Variants in GANC observed in about 807,000 individuals in gnomAD.
GANC encodes neutral alpha-glucosidase C.
Under a neutral mutation model 124.2 loss-of-function variants are expected in GANC, and 117 were observed. That is an observed-to-expected ratio of 0.94 (90% confidence interval 0.81 to 1.10). GANC has a LOEUF of 1.10. Among genes scored for constraint, GANC ranks in the 50% least tolerant of loss-of-function variants. The pLI, the probability that GANC is intolerant of heterozygous loss-of-function variation, is 0.00. For missense variants in GANC, 1,140 were observed against 1,095.0 expected (o/e 1.04, Z -0.58); for synonymous variants, 377 against 376.8 (o/e 1.00, Z -0.01).
chr15:42,283,828 A>G, intron 3 of GANC: 1 of 702,608 alleles, frequency 1.4e-6, no homozygotes, highest in Admixed American at 2.0e-5. Flanking sequence ...ACAGGCAGCT[A>G]ATTTGGGAAC....
chr15:42,324,407 A>G (rs1347052102), intron 11 of GANC, among the ~76,000 whole-genome samples: 3 of 152,200 alleles, frequency 2.0e-5, no homozygotes, highest in Non-Finnish European at 2.9e-5. Flanking sequence ...GAATTACTGT[A>G]TGATCCAGCA....
chr15:42,346,737 G>A (rs147007385), intron 20 of GANC, among the ~76,000 whole-genome samples: 1 of 152,290 alleles, frequency 6.6e-6, no homozygotes, highest in East Asian at 1.9e-4. Context: ...GGAGTTTTCA[G>A]TTGTAATCCT....
rs559472323 is a variant in GANC at position 42,273,555 on chromosome 15, G to A, written c.-927G>A. 5 of 1,318,630 alleles carry A rather than the reference G, an allele frequency of 3.8e-6. No individual in the cohort carries two copies. The East Asian group carries it at 1.0e-4, about 27-fold the overall frequency. 81.7% of individuals were successfully genotyped at this position (1,318,630 alleles called of 1,614,324 possible). On this transcript the variant is annotated 5_prime_UTR_variant, in exon 1 of 24. Transcript: ENST00000318010. ...GTAGCGGCCCCTCTCTCAGACAGTC[G>A]TCTGTGCGCCGTGAGACTTTGGACC...
chr15:42,321,400 G>T (rs1055743615), intron 10 of GANC, among the ~76,000 whole-genome samples: 1 of 152,096 alleles, frequency 6.6e-6, no homozygotes, highest in African/African-American at 2.4e-5. Context: ...TCTGTTCCCT[G>T]TGCCCGGAAT....
intron 15 of GANC, among the ~76,000 whole-genome samples, chr15:42,331,401 C>A (rs926341631): frequency 6.6e-6 from 1 of 151,280 alleles, no homozygotes; most frequent in Non-Finnish European, 1.5e-5. Context: ...CTGGCTGTTG[C>A]GTGTGGTCAG....
At chr15:42,345,526 T>A (rs1039338151) in intron 19 of GANC, among the ~76,000 whole-genome samples, 2 of 152,238 alleles carry the variant, frequency 1.3e-5, no homozygotes, top group African/African-American at 4.8e-5. Flanking sequence ...CGGTAGCTTT[T>A]GGATGAATAG....
intron 2 of GANC, among the ~76,000 whole-genome samples, chr15:42,277,794 G>A (rs1000977554): frequency 2.0e-5 from 3 of 151,106 alleles, no homozygotes; most frequent in Admixed American, 1.3e-4. Context: ...TAGAGAGGGG[G>A]TTTCACCATG....
intron 10 of GANC, among the ~76,000 whole-genome samples, chr15:42,318,542 A>C (rs1370102352): frequency 2.6e-5 from 4 of 152,072 alleles, no homozygotes; most frequent in African/African-American, 9.7e-5. Context: ...TAACATTCCA[A>C]ATTTCCAGTA....
chr15:42,334,531 A>C (rs147706103), intron 15 of GANC, among the ~76,000 whole-genome samples: 1 of 152,360 alleles, frequency 6.6e-6, no homozygotes, highest in African/African-American at 2.4e-5. Context: ...CATGAATCAT[A>C]AAAGAAAAAA....
chr15:42,317,542 G>A (rs936176959), intron 10 of GANC, among the ~76,000 whole-genome samples: 7 of 152,182 alleles, frequency 4.6e-5, no homozygotes, highest in African/African-American at 1.7e-4. Context: ...GGTTAAAATG[G>A]CAAATTTTGC....
intron 4 of GANC, among the ~76,000 whole-genome samples, chr15:42,291,613 A>G (rs2051842802): frequency 6.6e-6 from 1 of 152,160 alleles, no homozygotes; most frequent in South Asian, 2.1e-4. Flanking sequence ...GTGGGAAATG[A>G]TGCCGTTAAA....
intron 5 of GANC, among the ~76,000 whole-genome samples, chr15:42,297,370 C>T (rs919089236): frequency 6.6e-6 from 1 of 151,742 alleles, no homozygotes; most frequent in African/African-American, 2.4e-5. Flanking sequence ...ACTATGTTAC[C>T]CAGGCTGACA....
intron 10 of GANC, among the ~76,000 whole-genome samples, chr15:42,315,728 T>A (rs998777384): frequency 6.6e-6 from 1 of 152,146 alleles, no homozygotes; most frequent in Non-Finnish European, 1.5e-5. Flanking sequence ...AACATTTAAG[T>A]CAGTAGACTT....
At chr15:42,335,086 A>T (rs2052274163) in intron 15 of GANC, among the ~76,000 whole-genome samples, 1 of 152,210 alleles carries the variant, frequency 6.6e-6, no homozygotes, top group African/African-American at 2.4e-5. Context: ...CAAAAAATTG[A>T]GGAGGAAAGA....
chr15:42,279,037 G>A (rs1002234300), intron 3 of GANC, among the ~76,000 whole-genome samples: 6 of 152,062 alleles, frequency 3.9e-5, no homozygotes, highest in Middle Eastern at 6.3e-3. Context: ...TCATCTTTTC[G>A]TATCTATACT....
At chr15:42,341,416 C>T (rs552307351) in intron 18 of GANC, among the ~76,000 whole-genome samples, 9 of 152,234 alleles carry the variant, frequency 5.9e-5, no homozygotes, top group African/African-American at 1.9e-4. Flanking sequence ...ATTTCATATG[C>T]AATAATAGGG....
chr15:42,348,002 A>G (rs941330993), intron 20 of GANC, 101 bp from the exon 21 acceptor site: 2 of 659,842 alleles, frequency 3.0e-6, no homozygotes, highest in Non-Finnish European at 4.8e-6. Flanking sequence ...ACAAATCCGT[A>G]CTTGTAGACT....
intron 4 of GANC, among the ~76,000 whole-genome samples, chr15:42,292,377 G>GT (rs61513725): frequency 0.93 from 137,780 of 148,354 alleles, 64,583 homozygotes; most frequent in Non-Finnish European, 0.99. Flanking sequence ...TTTACTGTGT[G>GT]TTTTTTTTTT....
intron 14 of GANC, 30 bp from the exon 15 acceptor site, chr15:42,330,546 C>G (rs2052234227): frequency 6.5e-7 from 1 of 1,543,966 alleles, no homozygotes; most frequent in Non-Finnish European, 9.0e-7. Context: ...CCAATCATCT[C>G]TTTGAAATTT....
Sources: gnomAD v4.1 joint callset for allele counts (sites outside exome capture counted in the v4.1 genomes callset) on GRCh38, gnomAD v4.1.1 for gene constraint, MANE v1.5 for transcripts, NCBI Gene and HGNC (gene_info 2026-07-23, HGNC 2026-07-21) for gene names.